Variants in ZHX3 observed in about 807,000 individuals in gnomAD.
ZHX3 encodes the protein zinc fingers and homeoboxes protein 3.
ZHX3 carries 20 observed loss-of-function variants against 64.5 expected under a neutral mutation model. The ratio of observed to expected loss-of-function variants is 0.31; its 90% CI spans 0.22 to 0.45. The LOEUF (loss-of-function observed/expected upper bound fraction) is 0.45. Among genes scored for constraint, ZHX3 ranks in the 20% least tolerant of loss-of-function variants. The pLI, the probability that ZHX3 is intolerant of heterozygous loss-of-function variation, is 1.00. For missense variants in ZHX3, 1,041 were observed against 1,195.8 expected (o/e 0.87, Z 1.91); for synonymous variants, 423 against 461.6 (o/e 0.92, Z 1.07).
intron 2 of ZHX3, among the ~76,000 whole-genome samples, chr20:41,260,910 G>A (rs958284072): frequency 6.6e-6 from 1 of 152,166 alleles, no homozygotes; most frequent in Admixed American, 6.5e-5. Context: ...GTCTGGTTCC[G>A]GGCCCATGCT....
chr20:41,308,337 G>C (rs1412595172), intron 1 of ZHX3, among the ~76,000 whole-genome samples: 2 of 152,166 alleles, frequency 1.3e-5, no homozygotes, highest in East Asian at 3.8e-4. Flanking sequence ...ACTGAGGAGA[G>C]GAGACAGTGA....
chr20:41,288,685 T>C (rs1183845396), intron 1 of ZHX3, among the ~76,000 whole-genome samples: 1 of 152,190 alleles, frequency 6.6e-6, no homozygotes, highest in Non-Finnish European at 1.5e-5. Context: ...TAACTACCAC[T>C]CTTGTCTTAT....
At position 41,200,306 on chromosome 20, in the gene ZHX3, G is replaced by A. The variant is rs909530591; in HGVS notation, c.2860+1751C>T. The stretch of plus-strand genomic sequence containing the variant: ...AACATCATTCTCCATGTCAGCTTTC[G>A]TAATCAACTTGTTCAAACATCCTCA... On this transcript the variant is annotated intron_variant, in intron 3 of 3. Coordinates refer to ENST00000683867, the MANE Select transcript of ZHX3 (RefSeq NM_001384317.1). This position sits in a 1 kb window ranked among gnomAD's most constrained non-coding sequence, Gnocchi z 4.2. Among the ~76,000 whole-genome samples, 4 of 152,090 alleles carry A rather than the reference G, an allele frequency of 2.6e-5. No homozygotes were observed. The highest frequency in any genetic ancestry group is 2.1e-4 in the South Asian group (1 of 4,822).
In ZHX3 at chr20:41,204,945, G is replaced by C; in HGVS notation, c.-29C>G. 1 of 1,516,370 alleles carries C rather than the reference G, an allele frequency of 6.6e-7. No homozygotes were observed. Among genetic ancestry groups the C allele is most frequent in the Non-Finnish European group, 8.8e-7 (1 of 1,133,160 alleles). 93.9% of individuals were successfully genotyped at this position (1,516,370 alleles called of 1,614,324 possible). A position where few individuals can be genotyped will look rare whatever the true frequency, so the allele number is the denominator to read the frequency against. On this transcript the variant is annotated 5_prime_UTR_variant, in exon 3 of 4. Coordinates refer to ENST00000683867, the MANE Select transcript of ZHX3 (RefSeq NM_001384317.1). The surrounding 1 kb of genome is among the most constrained non-coding windows in gnomAD (Gnocchi z 6.6). ...GACAATCACTGGGTGATCAGCAGTTGAGAGCTTGTCCCATAAGGGGCCTAA... is the reference window on the plus strand; with the variant it reads ...GACAATCACTGGGTGATCAGCAGTTCAGAGCTTGTCCCATAAGGGGCCTAA...
At position 41,228,129 on chromosome 20, in the gene ZHX3, C is replaced by G. The variant is rs1386721764; in HGVS notation, c.-150-23063G>C. Among the ~76,000 whole-genome samples, 1 of 152,154 alleles carries G rather than the reference C, an allele frequency of 6.6e-6. No homozygotes were observed. The highest frequency in any genetic ancestry group is 6.5e-5 in the Admixed American group (1 of 15,272). On this transcript the variant is annotated intron_variant, in intron 2 of 3. Coordinates refer to ENST00000683867, the MANE Select transcript of ZHX3 (RefSeq NM_001384317.1). The surrounding 1 kb of genome is among the most constrained non-coding windows in gnomAD (Gnocchi z 4.6). Reference sequence around the variant, plus strand: ...AAGTTAAGACCCACACCTCTATAACCTCTCCAAAGGGAGCAAACTCATGCC... The same window carrying G: ...AAGTTAAGACCCACACCTCTATAACGTCTCCAAAGGGAGCAAACTCATGCC...
chr20:41,279,076 C>A (rs1026181598), intron 1 of ZHX3, among the ~76,000 whole-genome samples: 5 of 152,196 alleles, frequency 3.3e-5, no homozygotes, highest in Non-Finnish European at 7.3e-5. Flanking sequence ...TGCACCCAGA[C>A]TGTTTATTTT....
At chr20:41,312,671 T>C in intron 1 of ZHX3, among the ~76,000 whole-genome samples, 1 of 152,230 alleles carries the variant, frequency 6.6e-6, no homozygotes, top group East Asian at 1.9e-4. Flanking sequence ...TAGCTGAGAC[T>C]GGACGTTTAA....
intron 1 of ZHX3, among the ~76,000 whole-genome samples, chr20:41,288,800 T>C (rs2044069991): frequency 6.6e-6 from 1 of 152,236 alleles, no homozygotes; most frequent in Admixed American, 6.5e-5. Flanking sequence ...GGCATTTTCA[T>C]ACTATAAGGG....
chr20:41,204,392 T>A lies in ZHX3; in HGVS notation c.525A>T (p.Gly175=). 1 of 1,614,206 alleles carries A rather than the reference T, an allele frequency of 6.2e-7. No individual in the cohort carries two copies. Among genetic ancestry groups the A allele is most frequent in the Non-Finnish European group, 8.5e-7 (1 of 1,180,038 alleles). ...AGEPSAEGAD[G]QAEIIITKTP... ...TTTTGGTAATGATGATTTCTGCCTG[T>A]CCATCAGCCCCTTCAGCACTGGGCT... The change falls in exon 3 of 4, where the codon GGA becomes GGT. Residue 175 remains glycine, a synonymous_variant. Coordinates refer to ENST00000683867, the MANE Select transcript of ZHX3 (RefSeq NM_001384317.1). This position sits in a 1 kb window ranked among gnomAD's most constrained non-coding sequence, Gnocchi z 6.6.
intron 2 of ZHX3, among the ~76,000 whole-genome samples, chr20:41,248,113 T>C (rs930895112): frequency 4.6e-5 from 7 of 152,224 alleles, no homozygotes; most frequent in Non-Finnish European, 8.8e-5. Flanking sequence ...TGAAACCCCA[T>C]GCTGGGTCAT....
chr20:41,242,988 C>T (rs2041478408), intron 2 of ZHX3, among the ~76,000 whole-genome samples: 1 of 152,166 alleles, frequency 6.6e-6, no homozygotes, highest in Non-Finnish European at 1.5e-5. Flanking sequence ...ACCAGGAAGT[C>T]GTGGGTCTAA....
chr20:41,301,672 C>T (rs2044812134), intron 1 of ZHX3, among the ~76,000 whole-genome samples: 2 of 152,138 alleles, frequency 1.3e-5, no homozygotes, highest in Admixed American at 1.3e-4. Flanking sequence ...TCTCAGAGCT[C>T]CCTCCACCAT....
intron 2 of ZHX3, among the ~76,000 whole-genome samples, chr20:41,229,629 G>A (rs989576717): frequency 2.0e-5 from 3 of 151,752 alleles, no homozygotes; most frequent in African/African-American, 7.3e-5. Flanking sequence ...ATCTCACTGT[G>A]GTTTTGATTT....
intron 2 of ZHX3, among the ~76,000 whole-genome samples, chr20:41,210,280 A>T (rs1224068272): frequency 5.9e-5 from 9 of 152,236 alleles, no homozygotes; most frequent in African/African-American, 7.2e-5. Context: ...ATTGTGGAAG[A>T]CAGTGTGGCC....
chr20:41,185,003 T>G lies in ZHX3; in HGVS notation c.*188A>C. The G allele has an allele frequency of 6.4e-7, 1 of 1,551,214 alleles. No homozygotes were observed. Among genetic ancestry groups the G allele is most frequent in the Non-Finnish European group, 8.7e-7 (1 of 1,146,988 alleles). ...TGAGAACCCCATCTTGCTTGCTGCT[T>G]GCTTGGTGGTGGGCAGGCCGAGGGT... On this transcript the variant is annotated 3_prime_UTR_variant, in exon 4 of 4. Coordinates refer to ENST00000683867, the MANE Select transcript of ZHX3 (RefSeq NM_001384317.1). The surrounding 1 kb of genome is among the most constrained non-coding windows in gnomAD (Gnocchi z 5.0).
In ZHX3 at chr20:41,201,969, G is replaced by T; in HGVS notation, c.2860+88C>A. 2 of 1,442,936 alleles carry T rather than the reference G, an allele frequency of 1.4e-6. No individual in the cohort carries two copies. Among genetic ancestry groups the T allele is most frequent in the Non-Finnish European group, 9.2e-7 (1 of 1,091,030 alleles). 89.4% of individuals were successfully genotyped at this position (1,442,936 alleles called of 1,614,324 possible). A position where few individuals can be genotyped will look rare whatever the true frequency, so the allele number is the denominator to read the frequency against. On this transcript the variant is annotated intron_variant, in intron 3 of 3. Transcript: ENST00000683867. The surrounding 1 kb of genome is among the most constrained non-coding windows in gnomAD (Gnocchi z 5.0). The stretch of plus-strand genomic sequence containing the variant: ...CCAGGCAGCCTTAGAGACAGCAGAT[G>T]CCCCTGTGCAGTAAATTCAGTGCCC...
At chr20:41,196,442 A>AATATATAATATATTTATATAAATATATAT (rs2037582296) in intron 3 of ZHX3, among the ~76,000 whole-genome samples, 1 of 57,028 alleles carries the variant, frequency 1.8e-5, no homozygotes, top group South Asian at 3.9e-4. Context: ...AAATATATAT[A>AATATATAATATATTTATATAAATATATAT]TTATATATAA....
rs1413216973 is a variant in ZHX3, at chr20:41,181,337, A to T, written c.*3854T>A. 6.6e-6 allele frequency: 1 copy of T among 152,206 alleles called. No homozygotes were observed. The highest frequency in any genetic ancestry group is 1.5e-5 in the Non-Finnish European group (1 of 68,034). 9.4% of individuals were successfully genotyped at this position (152,206 alleles called of 1,614,324 possible). On this transcript the variant is annotated 3_prime_UTR_variant, in exon 4 of 4. Transcript: ENST00000683867. ...ATTTAATACAAAAGCACATCTGCAA[A>T]TGGTGAGTCAAACTGGTGAAATCTC...
At chr20:41,211,815 T>C (rs1317799885) in intron 2 of ZHX3, among the ~76,000 whole-genome samples, 1 of 152,216 alleles carries the variant, frequency 6.6e-6, no homozygotes, top group East Asian at 1.9e-4. Context: ...TTCCTGAGGT[T>C]AAGTGCACAG....
Sources: gnomAD v4.1 joint callset for allele counts (sites outside exome capture counted in the v4.1 genomes callset) on GRCh38, gnomAD v4.1.1 for gene constraint, Gnocchi (gnomAD v3.1) non-coding constraint, MANE v1.5 for transcripts, NCBI Gene and HGNC (gene_info 2026-07-23, HGNC 2026-07-21) for gene names.